Variants in AKAP13 observed in about 807,000 individuals in gnomAD.
The protein encoded by AKAP13 is A-kinase anchoring protein 13.
AKAP13 carries 80 observed loss-of-function variants against 264.5 expected under a neutral mutation model. That is an observed-to-expected ratio of 0.30 (90% CI 0.25 to 0.36). AKAP13 has a LOEUF of 0.36. AKAP13 is among the 10% of genes least tolerant of loss of function. The probability of loss-of-function intolerance (pLI) is 1.00; values close to 1 mark genes in which losing one functional copy is unlikely to be tolerated. For missense variants in AKAP13, 3,712 were observed against 3,435.2 expected (o/e 1.08, Z -2.01); for synonymous variants, 1,380 against 1,250.2 (o/e 1.10, Z -2.19).
intron 11 of AKAP13, among the ~76,000 whole-genome samples, chr15:85,657,452 G>T (rs571399174): frequency 3.3e-5 from 5 of 152,096 alleles, no homozygotes; most frequent in African/African-American, 1.2e-4. Flanking sequence ...TAATTTTTCA[G>T]TCCTCTCCAT....
intron 2 of AKAP13, among the ~76,000 whole-genome samples, chr15:85,510,434 G>A (rs1000017603): frequency 1.3e-5 from 2 of 151,834 alleles, no homozygotes; most frequent in African/African-American, 2.4e-5. Context: ...TTTATTGCTA[G>A]TATACAATTA....
At chr15:85,568,402 C>G (rs1039176858) in intron 5 of AKAP13, among the ~76,000 whole-genome samples, 12 of 152,060 alleles carry the variant, frequency 7.9e-5, no homozygotes, top group Non-Finnish European at 1.5e-4. Flanking sequence ...GTAAGCCAGA[C>G]CGAAAGATGG....
intron 1 of AKAP13, among the ~76,000 whole-genome samples, chr15:85,452,876 C>G (rs1048957030): frequency 1.3e-5 from 2 of 152,180 alleles, no homozygotes; most frequent in Non-Finnish European, 2.9e-5. Flanking sequence ...TGTTCCTCCC[C>G]CAGCTTACAG....
intron 13 of AKAP13, among the ~76,000 whole-genome samples, chr15:85,668,641 C>T (rs2083736200): frequency 6.6e-6 from 1 of 152,136 alleles, no homozygotes; most frequent in East Asian, 1.9e-4. Flanking sequence ...ATCTCAATTT[C>T]CAATTATTTA....
At chr15:85,656,637 A>G (rs991724546) in intron 11 of AKAP13, among the ~76,000 whole-genome samples, 1 of 151,932 alleles carries the variant, frequency 6.6e-6, no homozygotes, top group Non-Finnish European at 1.5e-5. Flanking sequence ...TTTAGTAGAG[A>G]CAGGGTTTCA....
intron 1 of AKAP13, among the ~76,000 whole-genome samples, chr15:85,422,157 G>A (rs1056522472): frequency 6.6e-6 from 1 of 152,142 alleles, no homozygotes; most frequent in African/African-American, 2.4e-5. Context: ...GGGTATGTAC[G>A]TATTTAGGAC....
chr15:85,599,211 C>T (rs1177082951), intron 8 of AKAP13, among the ~76,000 whole-genome samples: 2 of 152,190 alleles, frequency 1.3e-5, no homozygotes, highest in Non-Finnish European at 2.9e-5. Flanking sequence ...CCTGGCTTTC[C>T]TGACATGGAA....
intron 23 of AKAP13, among the ~76,000 whole-genome samples, chr15:85,719,914 C>CAA (rs879912262): frequency 1.5e-5 from 2 of 132,010 alleles, no homozygotes; most frequent in African/African-American, 5.6e-5. Context: ...TACTCTGTCT[C>CAA]AAAAAAAAAA....
chr15:85,733,719 C>T (rs190795260), intron 30 of AKAP13, among the ~76,000 whole-genome samples: 69 of 152,012 alleles, frequency 4.5e-4, no homozygotes, highest in African/African-American at 1.6e-3. Context: ...CCATTTTCTG[C>T]TGGGTTAATT....
chr15:85,483,557 C>T (rs1326168060), intron 1 of AKAP13, among the ~76,000 whole-genome samples: 2 of 143,146 alleles, frequency 1.4e-5, no homozygotes, highest in Non-Finnish European at 3.0e-5. Flanking sequence ...ACCCGGGAAG[C>T]GGAGCTTGCA....
At chr15:85,609,611 T>C (rs1166563341) in intron 8 of AKAP13, among the ~76,000 whole-genome samples, 1 of 152,230 alleles carries the variant, frequency 6.6e-6, no homozygotes, top group East Asian at 1.9e-4. Flanking sequence ...TTTGGATATA[T>C]ACCCAGTAGT....
At position 85,514,981 on chromosome 15, in the gene AKAP13, T is replaced by C. The variant is rs16940779; in HGVS notation, c.34-6447T>C. On this transcript the variant is annotated intron_variant, in intron 2 of 36. Coordinates refer to ENST00000394518, the MANE Select transcript of AKAP13 (RefSeq NM_007200.5). ...TTGCAGTGGGTATAAATCCTGTCAT[T>C]TTGTCAGACTGGGAAATAAATTTGG... Among the ~76,000 whole-genome samples the C allele has an allele frequency of 2.3e-4, 32 of 137,604 alleles. 4 individuals carry two copies. In the East Asian group the frequency reaches 5.9e-3, roughly 25 times the overall value. 90.3% of individuals were successfully genotyped at this position (137,604 alleles called of 152,430 possible). A position where few individuals can be genotyped will look rare whatever the true frequency, so the allele number is the denominator to read the frequency against.
At chr15:85,735,492 T>G in intron 31 of AKAP13, 68 bp from the exon 32 acceptor site, 6 of 1,515,236 alleles carry the variant, frequency 4.0e-6, no homozygotes, top group Non-Finnish European at 4.5e-6. Context: ...GATGCCTATA[T>G]GATATTCTTT....
At chr15:85,537,769 G>A (rs2077449175) in intron 4 of AKAP13, among the ~76,000 whole-genome samples, 1 of 152,140 alleles carries the variant, frequency 6.6e-6, no homozygotes, top group Non-Finnish European at 1.5e-5. Flanking sequence ...CTGTGAAATG[G>A]GGGAAAGTGT....
At chr15:85,476,903 C>T (rs1204517295) in intron 1 of AKAP13, among the ~76,000 whole-genome samples, 1 of 152,038 alleles carries the variant, frequency 6.6e-6, no homozygotes, top group East Asian at 1.9e-4. Flanking sequence ...TAATCATGTG[C>T]TGGCCATGTG....
At chr15:85,541,019 A>T (rs927390349) in intron 4 of AKAP13, among the ~76,000 whole-genome samples, 1 of 152,252 alleles carries the variant, frequency 6.6e-6, no homozygotes, top group Admixed American at 6.5e-5. Context: ...AACAATGGTT[A>T]ACTCTGAATG....
At chr15:85,513,047 C>T (rs762019726) in intron 2 of AKAP13, among the ~76,000 whole-genome samples, 22 of 152,162 alleles carry the variant, frequency 1.4e-4, no homozygotes, top group Non-Finnish European at 2.1e-4. Context: ...TTAGTAGATG[C>T]TCCTGCCTCA....
At chr15:85,617,855 TC>T (rs1461661910) in intron 8 of AKAP13, among the ~76,000 whole-genome samples, 1 of 152,232 alleles carries the variant, frequency 6.6e-6, no homozygotes, top group African/African-American at 2.4e-5. Flanking sequence ...AAATCTCTGG[TC>T]AAGTTCCCAT....
At chr15:85,682,127 GTTC>G (rs759891727) in intron 14 of AKAP13, 28 bp from the exon 15 acceptor site, 7 of 1,610,608 alleles carry the variant, frequency 4.3e-6, no homozygotes, top group Non-Finnish European at 4.2e-6. Flanking sequence ...AAATTTTTTG[GTTC>G]TAACTTTTTT....
Sources: allele counts gnomAD v4.1 joint callset (sites outside exome capture counted in the v4.1 genomes callset), GRCh38; gene constraint gnomAD v4.1.1; transcripts MANE v1.5; gene names NCBI Gene and HGNC (gene_info 2026-07-23, HGNC 2026-07-21).